The following FRMD4A variants were observed in gnomAD, a reference collection of about 807,000 sequenced individuals.
The protein encoded by FRMD4A is FERM domain containing 4A, also known as FERM domain-containing protein 4A.
A neutral mutation model predicts 129.1 loss-of-function variants in FRMD4A; 29 were observed. The ratio of observed to expected loss-of-function variants is 0.22; its 90% CI spans 0.17 to 0.31. The LOEUF is 0.31. Among genes scored for constraint, FRMD4A ranks in the 10% least tolerant of loss-of-function variants. FRMD4A has a pLI of 1.00. For synonymous variants in FRMD4A, 634 were observed against 571.6 expected (o/e 1.11, Z -1.56); for missense variants, 1,272 against 1,375.8 (o/e 0.92, Z 1.19).
At chr10:14,327,087 C>T (rs1843308093) in intron 2 of FRMD4A, 1 of 397,474 alleles carries the variant, frequency 2.5e-6, no homozygotes, top group Non-Finnish European at 4.4e-6. Context: ...CCTGGGACCC[C>T]TCCCAGCTGA....
Position 13,878,244 on chromosome 10 carries a change from G to A in FRMD4A, c.46-19332C>T, listed in dbSNP as rs1268475713. On this transcript the variant is annotated intron_variant, in intron 2 of 24. Transcript: ENST00000357447. ...TAGCAAAAAAAAAAAAAAAAAAAAA[G>A]CTGAAATAGAGCCTAGTGTTTGGGC... Among the ~76,000 whole-genome samples the A allele has an allele frequency of 1.9e-4, 19 of 100,168 alleles. No individual in the cohort carries two copies. In the East Asian group the frequency reaches 3.1e-3, roughly 16 times the overall value. The allele number at this position is 100,168 out of a possible 152,430, so 65.7% of individuals were successfully genotyped here. A position where few individuals can be genotyped will look rare whatever the true frequency, so the allele number is the denominator to read the frequency against.
chr10:14,044,983 G>A (rs935694735), intron 2 of FRMD4A, among the ~76,000 whole-genome samples: 7 of 152,032 alleles, frequency 4.6e-5, no homozygotes, highest in African/African-American at 1.7e-4. Context: ...GTGGTGAGCA[G>A]CCTCAAACTC....
At chr10:13,745,494 A>G (rs1173494359) in intron 9 of FRMD4A, among the ~76,000 whole-genome samples, 1 of 152,114 alleles carries the variant, frequency 6.6e-6, no homozygotes, top group African/African-American at 2.4e-5. Flanking sequence ...TCGTGATGGT[A>G]TGGGATGTTC....
intron 8 of FRMD4A, among the ~76,000 whole-genome samples, chr10:13,754,926 A>C (rs2091792735): frequency 6.6e-6 from 1 of 152,194 alleles, no homozygotes; most frequent in Non-Finnish European, 1.5e-5. Flanking sequence ...ATCGTAGGGA[A>C]ATATGCCCCA....
Position 13,940,455 on chromosome 10 carries a change from G to A in FRMD4A, c.46-81543C>T, listed in dbSNP as rs75910174. On this transcript the variant is annotated intron_variant, in intron 2 of 24. Transcript: ENST00000357447. ...TGTTGATTTCATACTCAAAAGACAG[G>A]AGTCTACATTTAATTGGATGCCATA... 7.8e-3 allele frequency among the ~76,000 whole-genome samples: 1,187 copies of A among 152,250 alleles called. 58 individuals are homozygous for A. The East Asian group carries it at 0.13, about 17-fold the overall frequency.
At chr10:14,065,377 G>T (rs1588897854) in intron 2 of FRMD4A, among the ~76,000 whole-genome samples, 1 of 152,104 alleles carries the variant, frequency 6.6e-6, no homozygotes, top group Non-Finnish European at 1.5e-5. Context: ...TAGAGACAGG[G>T]TTTCACCATG....
intron 2 of FRMD4A, among the ~76,000 whole-genome samples, chr10:14,043,691 G>A (rs139457190): frequency 2.6e-5 from 4 of 152,282 alleles, no homozygotes; most frequent in African/African-American, 7.2e-5. Context: ...CACAGACAAC[G>A]ACGCCATCCA....
At chr10:14,213,836 A>T (rs1283309964) in intron 2 of FRMD4A, among the ~76,000 whole-genome samples, 1 of 152,218 alleles carries the variant, frequency 6.6e-6, no homozygotes, top group Non-Finnish European at 1.5e-5. Flanking sequence ...GGTTTACCCC[A>T]TAAAGTTCTC....
At chr10:13,938,923 A>G (rs769188245) in intron 2 of FRMD4A, among the ~76,000 whole-genome samples, 3 of 152,086 alleles carry the variant, frequency 2.0e-5, no homozygotes, top group Non-Finnish European at 4.4e-5. Flanking sequence ...ACATCATGAG[A>G]TATGTTTGAT....
intron 2 of FRMD4A, among the ~76,000 whole-genome samples, chr10:13,989,099 C>T (rs990513930): frequency 6.6e-6 from 1 of 151,946 alleles, no homozygotes; most frequent in Admixed American, 6.6e-5. Flanking sequence ...TAAGAAATAT[C>T]TTAGAAGCAG....
At position 13,984,970 on chromosome 10, in the gene FRMD4A, A is replaced by G. The variant is rs536246390; in HGVS notation, c.46-126058T>C. 2.6e-5 allele frequency among the ~76,000 whole-genome samples: 4 copies of G among 152,252 alleles called. No homozygotes were observed. In the South Asian group the frequency reaches 8.3e-4, roughly 32 times the overall value. ...TAGATACTGATCTTTCCCACCTACT[A>G]TTTCTGCCACAGGCAGCGCTTGCTC... On this transcript the variant is annotated intron_variant, in intron 2 of 24. Transcript: ENST00000357447.
At chr10:14,020,343 A>G (rs558005882) in intron 2 of FRMD4A, among the ~76,000 whole-genome samples, 1 of 152,272 alleles carries the variant, frequency 6.6e-6, no homozygotes, top group East Asian at 1.9e-4. Flanking sequence ...AAAGCCCCCC[A>G]GTGGCCCTTT....
At chr10:13,844,006 G>T (rs367951095) in intron 3 of FRMD4A, among the ~76,000 whole-genome samples, 4 of 152,294 alleles carry the variant, frequency 2.6e-5, no homozygotes, top group African/African-American at 9.6e-5. Flanking sequence ...AATGTAATTT[G>T]GTGAGAATAC....
intron 2 of FRMD4A, among the ~76,000 whole-genome samples, chr10:14,280,500 T>G (rs1253659723): frequency 6.6e-6 from 1 of 152,134 alleles, no homozygotes; most frequent in Non-Finnish European, 1.5e-5. Context: ...GTGATTCATG[T>G]GTAGAAACAA....
chr10:14,330,154 C>A lies in FRMD4A; in HGVS notation c.-52G>T. The stretch of plus-strand genomic sequence containing the variant: ...TGCTGCCGAGTCAGTCCTCCTGGGC[C>A]CCGGGTGGCTACAGAGCATCCAAAA... On this transcript the variant is annotated 5_prime_UTR_variant, in exon 2 of 25. Transcript: ENST00000357447. The A allele has an allele frequency of 6.5e-7, 1 of 1,538,440 alleles. No individual in the cohort carries two copies. The highest frequency in any genetic ancestry group is 8.8e-7 in the Non-Finnish European group (1 of 1,136,306).
chr10:14,008,938 A>C (rs2095671771), intron 2 of FRMD4A, among the ~76,000 whole-genome samples: 1 of 152,234 alleles, frequency 6.6e-6, no homozygotes, highest in South Asian at 2.1e-4. Flanking sequence ...TTGCAATCAC[A>C]TGGTTCAGAT....
At chr10:14,248,686 A>C (rs1347972594) in intron 2 of FRMD4A, among the ~76,000 whole-genome samples, 1 of 152,228 alleles carries the variant, frequency 6.6e-6, no homozygotes, top group Non-Finnish European at 1.5e-5. Context: ...GAATCTTCAC[A>C]GGGTTTGTTT....
intron 2 of FRMD4A, among the ~76,000 whole-genome samples, chr10:13,866,574 C>T (rs998958427): frequency 1.3e-5 from 2 of 152,188 alleles, no homozygotes; most frequent in African/African-American, 4.8e-5. Context: ...TAAAGCACAT[C>T]ACAGCCAGGA....
intron 3 of FRMD4A, among the ~76,000 whole-genome samples, chr10:13,852,369 G>A (rs1004420546): frequency 6.6e-6 from 1 of 151,288 alleles, no homozygotes; most frequent in Non-Finnish European, 1.5e-5. Flanking sequence ...TCAGCCTCCC[G>A]AGTAGCTGGG....
Sources: allele counts gnomAD v4.1 joint callset (sites outside exome capture counted in the v4.1 genomes callset), GRCh38; gene constraint gnomAD v4.1.1; transcripts MANE v1.5; gene names NCBI Gene and HGNC (gene_info 2026-07-23, HGNC 2026-07-21).